The following FER variants were observed in gnomAD, a reference collection of about 807,000 sequenced individuals.
FER encodes tyrosine-protein kinase Fer.
Under a neutral mutation model 111.0 loss-of-function variants are expected in FER, and 63 were observed. The ratio of observed to expected loss-of-function variants is 0.57; its 90% CI spans 0.46 to 0.70. The LOEUF is 0.70. FER is among the 30% of genes least tolerant of loss of function. The pLI, the probability that FER is intolerant of heterozygous loss-of-function variation, is 0.00. For synonymous variants in FER, 327 were observed against 313.9 expected (o/e 1.04, Z -0.44); for missense variants, 914 against 954.0 (o/e 0.96, Z 0.55).
At chr5:108,997,645 G>C (rs1193197360) in intron 13 of FER, among the ~76,000 whole-genome samples, 1 of 152,160 alleles carries the variant, frequency 6.6e-6, no homozygotes, top group African/African-American at 2.4e-5. Context: ...ACCCTTAGCA[G>C]AGCTCCGGTG....
chr5:108,787,096 T>C (rs1754815960), intron 2 of FER, among the ~76,000 whole-genome samples: 1 of 152,044 alleles, frequency 6.6e-6, no homozygotes, highest in South Asian at 2.1e-4. Flanking sequence ...CAGCTGCAGC[T>C]TGGGGCCCAG....
At chr5:108,871,134 T>C (rs747947390) in intron 6 of FER, among the ~76,000 whole-genome samples, 31 of 152,122 alleles carry the variant, frequency 2.0e-4, no homozygotes, top group Non-Finnish European at 3.4e-4. Context: ...GGTAATGCCA[T>C]ATTCTATATC....
chr5:108,936,955 A>C (rs1319400540), intron 10 of FER, among the ~76,000 whole-genome samples: 1 of 152,010 alleles, frequency 6.6e-6, no homozygotes, highest in East Asian at 1.9e-4. Context: ...AGATTCTTAA[A>C]ATCAGTCTGA....
intron 13 of FER, among the ~76,000 whole-genome samples, chr5:109,033,023 A>C (rs891699205): frequency 2.0e-5 from 3 of 152,206 alleles, no homozygotes; most frequent in Admixed American, 1.3e-4. Context: ...GATCACTTGC[A>C]AGCAAATGAA....
intron 11 of FER, among the ~76,000 whole-genome samples, chr5:108,947,157 C>T (rs1398816051): frequency 6.6e-6 from 1 of 151,900 alleles, no homozygotes; most frequent in Non-Finnish European, 1.5e-5. Flanking sequence ...TATGAACGTT[C>T]GTTTTCAAGT....
intron 16 of FER, among the ~76,000 whole-genome samples, chr5:109,097,769 C>A (rs1045733444): frequency 2.0e-5 from 3 of 151,728 alleles, no homozygotes; most frequent in African/African-American, 7.3e-5. Flanking sequence ...CCATATTCTG[C>A]CTCCTGGGGA....
In FER at chr5:109,024,572, G is replaced by A. The variant is rs935918328; in HGVS notation, c.1657-12850G>A. ...ATAATGGCCAGAGTGTGTGAGCTAC[G>A]GAGGACGGTGGGTAGATACCAAAGA... On this transcript the variant is annotated intron_variant, in intron 13 of 19. Coordinates refer to ENST00000281092, the MANE Select transcript of FER (RefSeq NM_005246.4). 2.2e-4 allele frequency among the ~76,000 whole-genome samples: 33 copies of A among 152,174 alleles called. No individual in the cohort carries two copies. In the South Asian group the frequency reaches 3.9e-3, roughly 18 times the overall value.
intron 10 of FER, among the ~76,000 whole-genome samples, chr5:108,920,864 C>T (rs1468185819): frequency 6.6e-6 from 1 of 152,158 alleles, no homozygotes; most frequent in Non-Finnish European, 1.5e-5. Flanking sequence ...CTAATCCTCA[C>T]CATGAACTCA....
At chr5:109,175,481 G>C (rs1282185501) in intron 17 of FER, among the ~76,000 whole-genome samples, 2 of 152,074 alleles carry the variant, frequency 1.3e-5, no homozygotes, top group Non-Finnish European at 2.9e-5. Flanking sequence ...AATAAGATCT[G>C]AAACTATAAA....
rs375318616 is a variant in FER, at chr5:109,179,627, A to T, written c.2049-1120A>T. ...TCAACCATCCAGAGATTTTTTTTTTAAAATGGATAGTTGTGTCTGTACTAA... is the reference window on the plus strand; with the variant it reads ...TCAACCATCCAGAGATTTTTTTTTTTAAATGGATAGTTGTGTCTGTACTAA... On this transcript the variant is annotated intron_variant, in intron 17 of 19. Transcript: ENST00000281092. Among the ~76,000 whole-genome samples the T allele has an allele frequency of 5.7e-3, 871 of 151,924 alleles. 5 individuals are homozygous for T. Among genetic ancestry groups the T allele is most frequent in the African/African-American group, 0.015 (626 of 41,480 alleles).
chr5:108,805,321 A>G (rs1757088546), intron 3 of FER, among the ~76,000 whole-genome samples: 1 of 152,176 alleles, frequency 6.6e-6, no homozygotes, highest in African/African-American at 2.4e-5. Flanking sequence ...AGCCATGTGG[A>G]ACTGTAAGTT....
chr5:109,165,264 C>T lies in FER; in HGVS notation c.2049-15483C>T, dbSNP rs1047711511. Among the ~76,000 whole-genome samples the T allele has an allele frequency of 2.0e-5, 3 of 152,138 alleles. No individual in the cohort carries two copies. In the South Asian group the frequency reaches 6.2e-4, roughly 32 times the overall value. On this transcript the variant is annotated intron_variant, in intron 17 of 19. Coordinates refer to ENST00000281092, the MANE Select transcript of FER (RefSeq NM_005246.4). The stretch of plus-strand genomic sequence containing the variant: ...CAGGTATACCCCTACAAGAGGTGAT[C>T]ATTATTGATGACTCAGGGTCCTCAT...
chr5:109,115,572 A>C (rs1750129536), intron 17 of FER, among the ~76,000 whole-genome samples: 1 of 152,188 alleles, frequency 6.6e-6, no homozygotes, highest in Admixed American at 6.6e-5. Flanking sequence ...ACCTAAAATT[A>C]TGTAAATAGT....
At chr5:109,155,177 C>T (rs1582290373) in intron 17 of FER, among the ~76,000 whole-genome samples, 1 of 151,708 alleles carries the variant, frequency 6.6e-6, no homozygotes, top group South Asian at 2.1e-4. Flanking sequence ...TCCATGTGCT[C>T]GGGAATGAAG....
intron 13 of FER, among the ~76,000 whole-genome samples, chr5:108,983,519 T>C (rs1762231236): frequency 6.6e-6 from 1 of 152,118 alleles, no homozygotes; most frequent in African/African-American, 2.4e-5. Context: ...AGTAGTAAAT[T>C]AATTTTTGTC....
chr5:109,003,963 G>A (rs1324916935), intron 13 of FER, among the ~76,000 whole-genome samples: 1 of 152,152 alleles, frequency 6.6e-6, no homozygotes, highest in African/African-American at 2.4e-5. Flanking sequence ...CTGGGCGACG[G>A]TGTAAGACCG....
chr5:109,182,424 G>T (rs1049363119), intron 18 of FER, among the ~76,000 whole-genome samples: 3 of 152,246 alleles, frequency 2.0e-5, no homozygotes, highest in African/African-American at 7.2e-5. Context: ...AAATGGCAGA[G>T]CTGCTATTTT....
At chr5:108,876,391 G>A (rs1479263705) in intron 8 of FER, among the ~76,000 whole-genome samples, 1 of 152,138 alleles carries the variant, frequency 6.6e-6, no homozygotes, top group African/African-American at 2.4e-5. Flanking sequence ...GACCATATGT[G>A]GCACACTCAT....
intron 2 of FER, among the ~76,000 whole-genome samples, chr5:108,779,111 A>G (rs931355206): frequency 1.7e-4 from 25 of 151,476 alleles, no homozygotes; most frequent in Non-Finnish European, 5.9e-5. Context: ...AGATCAGTTG[A>G]CTGTATTTTT....
Sources: gnomAD v4.1 joint callset for allele counts (sites outside exome capture counted in the v4.1 genomes callset) on GRCh38, gnomAD v4.1.1 for gene constraint, MANE v1.5 for transcripts, NCBI Gene and HGNC (gene_info 2026-07-23, HGNC 2026-07-21) for gene names.